The following CPNE4 variants were observed in gnomAD, a reference collection of about 807,000 sequenced individuals.
CPNE4 encodes copine-4.
CPNE4 carries 25 observed loss-of-function variants against 67.9 expected under a neutral mutation model. The ratio of observed to expected loss-of-function variants is 0.37; its 90% CI spans 0.27 to 0.51. CPNE4 has a LOEUF of 0.51. Among genes scored for constraint, CPNE4 ranks in the 20% least tolerant of loss-of-function variants. CPNE4 has a pLI of 0.93. For missense variants in CPNE4, 464 were observed against 690.8 expected, an observed-to-expected ratio of 0.67 and a Z score of 3.68; for synonymous variants, 242 against 244.9, an observed-to-expected ratio of 0.99 and a Z score of 0.11.
At chr3:131,648,935 A>G (rs2079737547) in intron 7 of CPNE4, among the ~76,000 whole-genome samples, 1 of 152,124 alleles carries the variant, frequency 6.6e-6, no homozygotes, top group Non-Finnish European at 1.5e-5. Flanking sequence ...CAGTTCAGCA[A>G]AAGTCTTTCT....
At chr3:131,595,064 A>G (rs1938763500) in intron 7 of CPNE4, among the ~76,000 whole-genome samples, 1 of 152,212 alleles carries the variant, frequency 6.6e-6, no homozygotes. Context: ...ACAAAAGATA[A>G]CAAGTATTGG....
At chr3:131,682,744 A>T (rs1208585347) in intron 6 of CPNE4, among the ~76,000 whole-genome samples, 2 of 152,098 alleles carry the variant, frequency 1.3e-5, no homozygotes, top group Non-Finnish European at 2.9e-5. Context: ...TCCCAGTCCC[A>T]GGCAGGTCCA....
rs1339978926 is a variant in CPNE4, at chr3:131,883,678, G to A, written c.180+21586C>T. Among the ~76,000 whole-genome samples, 5 of 151,074 alleles carry A rather than the reference G, an allele frequency of 3.3e-5. No homozygotes were observed. In the Admixed American group the frequency reaches 3.3e-4, roughly 10 times the overall value. On this transcript the variant is annotated intron_variant, in intron 2 of 15. Transcript: ENST00000429747. The stretch of plus-strand genomic sequence containing the variant: ...CTCACTCTTGCTTTCTTATACCAGT[G>A]CCTCATAACTTCCCTGCCTCCTTGC...
chr3:131,919,739 T>C (rs1325872820), intron 1 of CPNE4, among the ~76,000 whole-genome samples: 2 of 152,200 alleles, frequency 1.3e-5, no homozygotes, highest in African/African-American at 4.8e-5. Flanking sequence ...CTATATAATA[T>C]GTTATTGATC....
intron 5 of CPNE4, among the ~76,000 whole-genome samples, chr3:131,690,602 T>C (rs139464800): frequency 1.9e-4 from 29 of 152,144 alleles, no homozygotes; most frequent in Admixed American, 1.1e-3. Context: ...AGAGAACATA[T>C]GAAATATCAT....
chr3:132,010,228 C>T (rs1247969534), intron 1 of CPNE4, among the ~76,000 whole-genome samples: 2 of 152,166 alleles, frequency 1.3e-5, no homozygotes, highest in Admixed American at 6.5e-5. Flanking sequence ...ACCAGCTACA[C>T]CTAACCTGGC....
chr3:131,587,038 T>C (rs1582848381), intron 8 of CPNE4, among the ~76,000 whole-genome samples: 1 of 152,196 alleles, frequency 6.6e-6, no homozygotes, highest in South Asian at 2.1e-4. Flanking sequence ...GGAATACTAC[T>C]GTTAATAGCA....
intron 2 of CPNE4, among the ~76,000 whole-genome samples, chr3:131,836,982 A>T (rs2085581826): frequency 1.3e-5 from 2 of 152,320 alleles, no homozygotes; most frequent in South Asian, 4.1e-4. Context: ...GATGTTCAAT[A>T]TCACTAGATA....
chr3:131,626,284 G>A (rs1190985846), intron 7 of CPNE4, among the ~76,000 whole-genome samples: 1 of 152,148 alleles, frequency 6.6e-6, no homozygotes, highest in Non-Finnish European at 1.5e-5. Context: ...GCCTAAAGAG[G>A]CCAATAGCTA....
intron 2 of CPNE4, among the ~76,000 whole-genome samples, chr3:131,757,260 T>C (rs1023404223): frequency 6.6e-6 from 1 of 152,232 alleles, no homozygotes; most frequent in African/African-American, 2.4e-5. Context: ...ACTTGTTGAA[T>C]GGCTTTGCCC....
At chr3:131,606,023 C>T (rs942427936) in intron 7 of CPNE4, among the ~76,000 whole-genome samples, 4 of 152,130 alleles carry the variant, frequency 2.6e-5, no homozygotes, top group African/African-American at 9.7e-5. Flanking sequence ...TCTAAATGAG[C>T]CATGCTACTC....
At chr3:131,959,849 A>G (rs144927380) in intron 1 of CPNE4, among the ~76,000 whole-genome samples, 1 of 152,328 alleles carries the variant, frequency 6.6e-6, no homozygotes, top group African/African-American at 2.4e-5. Flanking sequence ...TTACAGTGAT[A>G]CTAAGCTATG....
intron 2 of CPNE4, among the ~76,000 whole-genome samples, chr3:131,822,794 A>G (rs1405375008): frequency 6.6e-6 from 1 of 152,122 alleles, no homozygotes; most frequent in Non-Finnish European, 1.5e-5. Context: ...CTCAGCAAGG[A>G]GGCAGAAATA....
intron 2 of CPNE4, among the ~76,000 whole-genome samples, chr3:131,738,690 A>T (rs1583112706): frequency 6.6e-6 from 1 of 151,692 alleles, no homozygotes; most frequent in Admixed American, 6.6e-5. Context: ...GATAGTTTTT[A>T]ATTACCTAGG....
intron 7 of CPNE4, among the ~76,000 whole-genome samples, chr3:131,658,575 C>T (rs979822121): frequency 6.6e-6 from 1 of 152,188 alleles, no homozygotes; most frequent in Non-Finnish European, 1.5e-5. Context: ...GTGTGCTCCA[C>T]ACAAAGTCCT....
At chr3:131,696,824 C>T (rs1337129066) in intron 4 of CPNE4, among the ~76,000 whole-genome samples, 1 of 152,028 alleles carries the variant, frequency 6.6e-6, no homozygotes, top group East Asian at 1.9e-4. Context: ...TAACTAGACA[C>T]CATTTATACT....
intron 7 of CPNE4, among the ~76,000 whole-genome samples, chr3:131,660,432 G>A (rs1202514668): frequency 6.6e-6 from 1 of 152,132 alleles, no homozygotes; most frequent in Non-Finnish European, 1.5e-5. Flanking sequence ...TGAAGAAAAG[G>A]GGATGGGATA....
intron 5 of CPNE4, among the ~76,000 whole-genome samples, chr3:131,687,590 A>T (rs1233277159): frequency 6.6e-6 from 1 of 152,222 alleles, no homozygotes; most frequent in African/African-American, 2.4e-5. Flanking sequence ...TAAGCAAGCC[A>T]GAGTCAAACT....
chr3:131,799,712 C>T (rs1024804138), intron 2 of CPNE4, among the ~76,000 whole-genome samples: 3 of 152,140 alleles, frequency 2.0e-5, no homozygotes, highest in Non-Finnish European at 4.4e-5. Context: ...ACTGCAATCA[C>T]TCACTGGTAA....
Sources: gnomAD v4.1 joint callset for allele counts (sites outside exome capture counted in the v4.1 genomes callset) on GRCh38, gnomAD v4.1.1 for gene constraint, MANE v1.5 for transcripts, NCBI Gene and HGNC (gene_info 2026-07-23, HGNC 2026-07-21) for gene names.